The following ATP8A1 variants were observed in gnomAD, a reference collection of about 807,000 sequenced individuals.
The protein encoded by ATP8A1 is phospholipid-transporting ATPase IA.
ATP8A1 carries 90 observed loss-of-function variants against 177.7 expected under a neutral mutation model. That is an observed-to-expected ratio of 0.51 (90% CI 0.43 to 0.60). The LOEUF (loss-of-function observed/expected upper bound fraction) is 0.60. Among genes scored for constraint, ATP8A1 ranks in the 20% least tolerant of loss-of-function variants. The pLI, the probability that ATP8A1 is intolerant of heterozygous loss-of-function variation, is 0.00. For missense variants in ATP8A1, 1,072 were observed against 1,392.8 expected (o/e 0.77, Z 3.67); for synonymous variants, 493 against 485.9 (o/e 1.01, Z -0.19).
chr4:42,586,011 T>C (rs1051291899), intron 9 of ATP8A1, among the ~76,000 whole-genome samples: 21 of 152,296 alleles, frequency 1.4e-4, no homozygotes, highest in Middle Eastern at 3.4e-3. Flanking sequence ...GTTAAGCCTA[T>C]AACACGAGTA....
At chr4:42,645,932 A>AG (rs1187473747) in intron 1 of ATP8A1, among the ~76,000 whole-genome samples, 5 of 150,760 alleles carry the variant, frequency 3.3e-5, no homozygotes, top group Admixed American at 2.0e-4. Context: ...CCTAGGTTAG[A>AG]GAAAAAAAAA....
intron 25 of ATP8A1, 123 bp from the exon 26 acceptor site, chr4:42,465,199 T>TA (rs1271341499): frequency 1.2e-6 from 1 of 861,856 alleles, no homozygotes; most frequent in East Asian, 2.7e-5. Context: ...AACCTTATGA[T>TA]AAAGTTTTAG....
At chr4:42,520,518 A>G (rs1726005784) in intron 22 of ATP8A1, among the ~76,000 whole-genome samples, 1 of 152,208 alleles carries the variant, frequency 6.6e-6, no homozygotes, top group African/African-American at 2.4e-5. Context: ...AGACATAATC[A>G]TATATAAATA....
At chr4:42,653,426 A>G (rs186934830) in intron 1 of ATP8A1, among the ~76,000 whole-genome samples, 1 of 152,320 alleles carries the variant, frequency 6.6e-6, no homozygotes, top group East Asian at 1.9e-4. Context: ...AGTGCCTGTA[A>G]CAGTAGTTGA....
intron 27 of ATP8A1, among the ~76,000 whole-genome samples, chr4:42,456,649 T>G (rs894788047): frequency 6.6e-6 from 1 of 152,134 alleles, no homozygotes; most frequent in African/African-American, 2.4e-5. Context: ...TGAAGTATAA[T>G]TAAAAATCAA....
chr4:42,540,359 A>G (rs13146921), intron 20 of ATP8A1, among the ~76,000 whole-genome samples: 15,278 of 152,194 alleles, frequency 0.1, 943 homozygotes, highest in Middle Eastern at 0.17. Context: ...GCCACTATGG[A>G]AAATAGTATA....
chr4:42,463,237 T>C (rs1719360769), intron 27 of ATP8A1, among the ~76,000 whole-genome samples: 1 of 152,196 alleles, frequency 6.6e-6, no homozygotes, highest in South Asian at 2.1e-4. Flanking sequence ...GGCTCAAATC[T>C]CATCTTGAAT....
chr4:42,534,554 G>C (rs1421463473), intron 20 of ATP8A1, among the ~76,000 whole-genome samples: 3 of 152,114 alleles, frequency 2.0e-5, no homozygotes, highest in Admixed American at 6.5e-5. Flanking sequence ...GTGTTCCTAA[G>C]GAAGAGAAAT....
In ATP8A1 at chr4:42,423,569, A is replaced by G. The variant is rs1167134394; in HGVS notation, c.3212+48T>C. The G allele has an allele frequency of 2.3e-6, 3 of 1,297,542 alleles. No individual in the cohort carries two copies. In the Admixed American group the frequency reaches 5.8e-5, roughly 25 times the overall value. The allele number at this position is 1,297,542 out of a possible 1,614,324, so 80.4% of individuals were successfully genotyped here. ...ATGTTACCAAGAGAGAAATCTGAGG[A>G]TGAATATGCATCTATATTTCTCCGT... On this transcript the variant is annotated intron_variant, in intron 34 of 36. Transcript: ENST00000381668.
At chr4:42,435,458 A>C (rs1020578240) in intron 33 of ATP8A1, among the ~76,000 whole-genome samples, 108 of 105,162 alleles carry the variant, frequency 1.0e-3, no homozygotes, top group South Asian at 4.2e-3. Flanking sequence ...AACAAAAAAA[A>C]AAAAACAAAC....
intron 6 of ATP8A1, among the ~76,000 whole-genome samples, chr4:42,599,558 A>G (rs1414500112): frequency 6.6e-6 from 1 of 152,208 alleles, no homozygotes; most frequent in Non-Finnish European, 1.5e-5. Context: ...TTGAAAATCA[A>G]CAGAAATTTA....
intron 1 of ATP8A1, among the ~76,000 whole-genome samples, chr4:42,654,243 G>A (rs1741399974): frequency 6.6e-6 from 1 of 152,158 alleles, no homozygotes. Flanking sequence ...CACAGGTCCT[G>A]CGTCCCCCAC....
chr4:42,521,781 T>G (rs953606537), intron 22 of ATP8A1, among the ~76,000 whole-genome samples: 1 of 152,220 alleles, frequency 6.6e-6, no homozygotes, highest in East Asian at 1.9e-4. Flanking sequence ...CTATTTTATA[T>G]TGCATTGCAT....
chr4:42,439,987 A>G (rs28575612), intron 33 of ATP8A1, among the ~76,000 whole-genome samples: 47,413 of 152,084 alleles, frequency 0.31, 8,592 homozygotes, highest in East Asian at 0.59. Flanking sequence ...CTGTGCCTCA[A>G]TTTCCACATC....
chr4:42,425,232 GC>G (rs1714455905), intron 33 of ATP8A1, among the ~76,000 whole-genome samples: 1 of 151,954 alleles, frequency 6.6e-6, no homozygotes, highest in African/African-American at 2.4e-5. Context: ...TTGGGGGGGG[GC>G]AAGAGAAGGA....
At chr4:42,448,731 T>C (rs1717584950) in intron 30 of ATP8A1, among the ~76,000 whole-genome samples, 2 of 151,278 alleles carry the variant, frequency 1.3e-5, no homozygotes, top group African/African-American at 4.9e-5. Context: ...AGAGGTAGTT[T>C]CTTAAAGGTT....
chr4:42,602,202 A>G (rs1735351876), intron 5 of ATP8A1, among the ~76,000 whole-genome samples: 1 of 152,330 alleles, frequency 6.6e-6, no homozygotes, highest in Admixed American at 6.5e-5. Flanking sequence ...ACCAATTTTT[A>G]CAGTGCTTAA....
chr4:42,648,569 T>C (rs1210483937), intron 1 of ATP8A1, among the ~76,000 whole-genome samples: 2 of 151,970 alleles, frequency 1.3e-5, no homozygotes, highest in Non-Finnish European at 2.9e-5. Flanking sequence ...ATATAACTGT[T>C]TAAAATGAAA....
intron 35 of ATP8A1, chr4:42,415,001 C>A (rs1713071223): frequency 5.6e-6 from 2 of 354,456 alleles, no homozygotes; most frequent in Non-Finnish European, 1.0e-5. Context: ...ATATTTAAGT[C>A]AAATGGCAAC....
Sources: allele counts gnomAD v4.1 joint callset (sites outside exome capture counted in the v4.1 genomes callset), GRCh38; gene constraint gnomAD v4.1.1; transcripts MANE v1.5; gene names NCBI Gene and HGNC (gene_info 2026-07-23, HGNC 2026-07-21).